Variants in MYO5B observed in about 807,000 individuals in gnomAD.
MYO5B encodes the protein unconventional myosin-Vb.
In MYO5B, 143 loss-of-function variants were observed where a neutral mutation model predicts 229.3. That is an observed-to-expected ratio of 0.62 (90% CI 0.54 to 0.72). The LOEUF (loss-of-function observed/expected upper bound fraction) is 0.72. MYO5B is among the 30% of genes least tolerant of loss of function. The probability of loss-of-function intolerance (pLI) is 0.00; values close to 1 mark genes in which losing one functional copy is unlikely to be tolerated. For missense variants in MYO5B, 2,321 were observed against 2,331.0 expected, an observed-to-expected ratio of 1.00 and a Z score of 0.09; for synonymous variants, 918 against 885.2, an observed-to-expected ratio of 1.04 and a Z score of -0.66.
At chr18:50,173,260 A>T (rs538044348) in intron 1 of MYO5B, among the ~76,000 whole-genome samples, 8 of 151,946 alleles carry the variant, frequency 5.3e-5, no homozygotes, top group African/African-American at 1.9e-4. Context: ...GCAAGACTCC[A>T]AAAACAAAAA....
At chr18:49,837,400 G>T in intron 37 of MYO5B, 117 bp downstream of exon 37, 1 of 1,262,128 alleles carries the variant, frequency 7.9e-7, no homozygotes, top group East Asian at 2.3e-5. Context: ...ATGGAGACAA[G>T]GACTGTCAAT....
intron 1 of MYO5B, among the ~76,000 whole-genome samples, chr18:50,067,644 A>G (rs1438652377): frequency 6.6e-6 from 1 of 152,146 alleles, no homozygotes; most frequent in Non-Finnish European, 1.5e-5. Context: ...CCATTGTTAA[A>G]AAGAGCCTGG....
intron 1 of MYO5B, among the ~76,000 whole-genome samples, chr18:50,185,484 A>G (rs1423928841): frequency 6.6e-6 from 1 of 152,226 alleles, no homozygotes; most frequent in African/African-American, 2.4e-5. Context: ...CACAGTATCA[A>G]AAGATTAACA....
chr18:50,090,870 C>G (rs1025838976), intron 1 of MYO5B, among the ~76,000 whole-genome samples: 2 of 152,202 alleles, frequency 1.3e-5, no homozygotes, highest in African/African-American at 4.8e-5. Flanking sequence ...CCTGTTCAAA[C>G]AAGCTGTGTT....
chr18:50,029,378 C>T (rs2026364773), intron 4 of MYO5B, among the ~76,000 whole-genome samples: 1 of 152,222 alleles, frequency 6.6e-6, no homozygotes, highest in African/African-American at 2.4e-5. Flanking sequence ...AGAGACAGGG[C>T]CGGAGAAGAG....
intron 14 of MYO5B, among the ~76,000 whole-genome samples, chr18:49,950,745 CTTTAA>C (rs961005602): frequency 6.6e-6 from 1 of 152,128 alleles, no homozygotes; most frequent in African/African-American, 2.4e-5. Context: ...TTCTACAATA[CTTTAA>C]TTTTTTATGA....
At chr18:50,188,473 T>C (rs190555828) in intron 1 of MYO5B, among the ~76,000 whole-genome samples, 1 of 152,252 alleles carries the variant, frequency 6.6e-6, no homozygotes, top group East Asian at 1.9e-4. Flanking sequence ...TGAAGGCTCC[T>C]AAAAACATCT....
chr18:49,884,070 CCAAAAGCACAAGCCACCAAA>C (rs2024617814), intron 22 of MYO5B, among the ~76,000 whole-genome samples: 1 of 25,568 alleles, frequency 3.9e-5, no homozygotes, highest in African/African-American at 1.2e-4. Flanking sequence ...AAATACAATG[CCAAAAGCACAAGCCACCAAA>C]TACAATGCCA....
At chr18:49,872,921 C>T (rs180914528) in intron 26 of MYO5B, among the ~76,000 whole-genome samples, 1,886 of 152,342 alleles carry the variant, frequency 0.012, 22 homozygotes, top group Non-Finnish European at 0.018. Flanking sequence ...GAAGCTAACA[C>T]ACACTGTAAA....
At chr18:50,052,879 G>A (rs2030438015) in intron 2 of MYO5B, among the ~76,000 whole-genome samples, 1 of 152,164 alleles carries the variant, frequency 6.6e-6, no homozygotes, top group African/African-American at 2.4e-5. Context: ...CCTATCATAA[G>A]TCAGAGGTTA....
intron 1 of MYO5B, among the ~76,000 whole-genome samples, chr18:50,060,075 A>G (rs79674303): frequency 1.1e-4 from 16 of 152,302 alleles, no homozygotes; most frequent in Admixed American, 8.5e-4. Flanking sequence ...TGGAGCGATG[A>G]AAGTGTTTTG....
intron 27 of MYO5B, among the ~76,000 whole-genome samples, chr18:49,866,542 T>C (rs1402248453): frequency 2.0e-5 from 3 of 152,202 alleles, no homozygotes; most frequent in Admixed American, 2.0e-4. Flanking sequence ...ATCATTCTAC[T>C]TTCTGTCTCT....
rs186617606 is a variant in MYO5B, at chr18:49,886,237, T to C, written c.3046-5782A>G. Among the ~76,000 whole-genome samples, 196 of 152,312 alleles carry C rather than the reference T, an allele frequency of 1.3e-3. 1 individual carries two copies. The highest frequency in any genetic ancestry group is 3.6e-3 in the African/African-American group (151 of 41,584). ...TTTACAGATATGAGCCACCGGCACC[T>C]GACCAACACTTTTAACAGTCTAGAA... On this transcript the variant is annotated intron_variant, in intron 22 of 39. Transcript: ENST00000285039.
Position 50,047,312 on chromosome 18 carries a change from T to G in MYO5B, c.139-6998A>C, listed in dbSNP as rs1480043673. ...ACAGACACTTCTCAAGAGAAGACAT[T>G]TATGCAACCAAAAAACACATGAAAA... On this transcript the variant is annotated intron_variant, in intron 2 of 39. Coordinates refer to ENST00000285039, the MANE Select transcript of MYO5B (RefSeq NM_001080467.3). Among the ~76,000 whole-genome samples, 3 of 152,146 alleles carry G rather than the reference T, an allele frequency of 2.0e-5. No individual in the cohort carries two copies. The East Asian group carries it at 5.8e-4, about 29-fold the overall frequency.
chr18:50,017,125 T>C (rs1359453657), intron 4 of MYO5B, among the ~76,000 whole-genome samples: 1 of 152,044 alleles, frequency 6.6e-6, no homozygotes, highest in Non-Finnish European at 1.5e-5. Context: ...AATTTTTCAT[T>C]TTGTTTTTTT....
intron 5 of MYO5B, among the ~76,000 whole-genome samples, chr18:49,994,955 C>T (rs181896241): frequency 2.0e-3 from 307 of 152,328 alleles, no homozygotes; most frequent in African/African-American, 7.1e-3. Context: ...AAGAACCCTA[C>T]AAGATAGGCA....
At chr18:49,951,705 C>T (rs193181526) in intron 14 of MYO5B, among the ~76,000 whole-genome samples, 56 of 152,284 alleles carry the variant, frequency 3.7e-4, no homozygotes, top group Admixed American at 6.5e-4. Context: ...CTCCATCCCT[C>T]GTTTCTGCTT....
At chr18:50,031,880 C>T (rs982819418) in intron 4 of MYO5B, among the ~76,000 whole-genome samples, 1 of 152,174 alleles carries the variant, frequency 6.6e-6, no homozygotes, top group African/African-American at 2.4e-5. Flanking sequence ...GATTTGCAAA[C>T]CCAGCATAAT....
intron 16 of MYO5B, among the ~76,000 whole-genome samples, chr18:49,932,859 C>A (rs945159515): frequency 6.6e-6 from 1 of 152,142 alleles, no homozygotes; most frequent in African/African-American, 2.4e-5. Flanking sequence ...ATCTCTCAAT[C>A]CGCCTCACTG....
Sources: allele counts gnomAD v4.1 joint callset (sites outside exome capture counted in the v4.1 genomes callset), GRCh38; gene constraint gnomAD v4.1.1; transcripts MANE v1.5; gene names NCBI Gene and HGNC (gene_info 2026-07-23, HGNC 2026-07-21).